Variants in RGS20 observed in about 807,000 individuals in gnomAD.
The protein encoded by RGS20 is gz-selective GTPase-activating protein.
Under a neutral mutation model 33.6 loss-of-function variants are expected in RGS20, and 30 were observed. That is an observed-to-expected ratio of 0.89 (90% CI 0.67 to 1.21). RGS20 has a LOEUF of 1.21. Among genes scored for constraint, RGS20 ranks in the 50% most tolerant of loss-of-function variants. RGS20 has a pLI of 0.00. For synonymous variants in RGS20, 208 were observed against 197.9 expected (o/e 1.05, Z -0.43); for missense variants, 472 against 502.4 (o/e 0.94, Z 0.58).
intron 4 of RGS20, among the ~76,000 whole-genome samples, chr8:53,947,364 T>C (rs1814529531): frequency 7.5e-6 from 1 of 133,104 alleles, no homozygotes; most frequent in Non-Finnish European, 1.6e-5. Context: ...ATATATGCTA[T>C]ATATAAGATA....
rs118000112 is a variant in RGS20, at chr8:53,957,498, C to T, written c.979-772C>T. On this transcript the variant is annotated intron_variant, in intron 5 of 5. Transcript: ENST00000297313. ...CACTTCACCCCTGTGCCCAACCCTC[C>T]GGGCAGGCCAGCACTCATCCCCAGA... is the stretch of plus-strand genomic sequence containing the variant. Among the ~76,000 whole-genome samples the T allele has an allele frequency of 7.5e-3, 1,147 of 152,340 alleles. 5 individuals are homozygous for T. The highest frequency in any genetic ancestry group is 0.013 in the Non-Finnish European group (891 of 68,026).
rs1017672388 is a variant in RGS20, at chr8:53,880,918, C to T, written c.510+1316C>T. On this transcript the variant is annotated intron_variant, in intron 2 of 5. Coordinates refer to ENST00000297313, the MANE Select transcript of RGS20 (RefSeq NM_170587.4). ...CGGGAGAAGAGGGCTAGAGCAAAGA[C>T]CGAGAGCCGGAGAAAGGCGAAAGGC... 2.6e-6 allele frequency: 4 copies of T among 1,542,328 alleles called. No homozygotes were observed. The African/African-American group carries it at 5.5e-5, about 21-fold the overall frequency.
intron 2 of RGS20, among the ~76,000 whole-genome samples, chr8:53,917,174 T>A (rs1813512875): frequency 6.6e-6 from 1 of 152,132 alleles, no homozygotes; most frequent in Non-Finnish European, 1.5e-5. Flanking sequence ...TGAGATGGAA[T>A]TTCACTCTTG....
chr8:53,954,872 G>C (rs911779363), intron 5 of RGS20, among the ~76,000 whole-genome samples: 1 of 150,852 alleles, frequency 6.6e-6, no homozygotes, highest in African/African-American at 2.4e-5. Flanking sequence ...ATTTTTAGTA[G>C]AGACAGGGTT....
Position 53,947,823 on chromosome 8 carries a change from C to T in RGS20, c.743+1075C>T, listed in dbSNP as rs188152380. 9.9e-3 allele frequency among the ~76,000 whole-genome samples: 1,326 copies of T among 133,874 alleles called. 35 individuals are homozygous for T. Among genetic ancestry groups the T allele is most frequent in the African/African-American group, 0.035 (1,261 of 36,476 alleles). 87.8% of individuals were successfully genotyped at this position (133,874 alleles called of 152,430 possible). On this transcript the variant is annotated intron_variant, in intron 4 of 5. Coordinates refer to ENST00000297313, the MANE Select transcript of RGS20 (RefSeq NM_170587.4). ...TGCTATATATAGGATATAGTATATA[C>T]ATTTATATATGCTATATATAGGATA...
intron 2 of RGS20, among the ~76,000 whole-genome samples, chr8:53,896,958 A>C (rs923104198): frequency 6.6e-6 from 1 of 152,254 alleles, no homozygotes; most frequent in Non-Finnish European, 1.5e-5. Context: ...AGGATAAAAA[A>C]TTCTAATAAT....
chr8:53,873,807 A>G (rs1486785056), intron 1 of RGS20, among the ~76,000 whole-genome samples: 1 of 152,244 alleles, frequency 6.6e-6, no homozygotes, highest in African/African-American at 2.4e-5. Context: ...CTGTAGAGGA[A>G]GAAGAGATCT....
intron 2 of RGS20, among the ~76,000 whole-genome samples, chr8:53,896,408 G>C (rs911624317): frequency 4.6e-5 from 7 of 152,218 alleles, no homozygotes; most frequent in African/African-American, 1.7e-4. Flanking sequence ...TTGTGATATA[G>C]AGGCAGAATT....
At chr8:53,892,684 T>C (rs1428830105) in intron 2 of RGS20, among the ~76,000 whole-genome samples, 2 of 152,226 alleles carry the variant, frequency 1.3e-5, no homozygotes, top group Non-Finnish European at 2.9e-5. Flanking sequence ...GTAATACATG[T>C]ACAGCAGAGG....
At chr8:53,926,289 G>A (rs1813792988) in intron 2 of RGS20, among the ~76,000 whole-genome samples, 1 of 152,128 alleles carries the variant, frequency 6.6e-6, no homozygotes, top group Admixed American at 6.5e-5. Flanking sequence ...TTATATTATT[G>A]TCTAACTCTT....
At chr8:53,949,901 G>A (rs528450486) in intron 4 of RGS20, among the ~76,000 whole-genome samples, 1 of 148,982 alleles carries the variant, frequency 6.7e-6, no homozygotes, top group African/African-American at 2.5e-5. Context: ...GTACAGTGGT[G>A]CAATCTTGAC....
At chr8:53,909,420 G>T (rs1333633922) in intron 2 of RGS20, among the ~76,000 whole-genome samples, 1 of 150,404 alleles carries the variant, frequency 6.6e-6, no homozygotes, top group African/African-American at 2.4e-5. Context: ...TGGCTAATTT[G>T]TTGTTGTTGT....
intron 2 of RGS20, among the ~76,000 whole-genome samples, chr8:53,923,398 C>T (rs961465231): frequency 2.0e-5 from 3 of 152,058 alleles, no homozygotes; most frequent in African/African-American, 7.2e-5. Context: ...AGTTTGAGAC[C>T]AGCCTGGGCA....
intron 3 of RGS20, among the ~76,000 whole-genome samples, chr8:53,943,032 A>T (rs1333429780): frequency 2.0e-5 from 3 of 152,136 alleles, no homozygotes; most frequent in Non-Finnish European, 2.9e-5. Context: ...GGGAAAAAAA[A>T]TTATAAAGCA....
chr8:53,906,947 G>A (rs1340320253), intron 2 of RGS20, among the ~76,000 whole-genome samples: 2 of 152,180 alleles, frequency 1.3e-5, no homozygotes, highest in Non-Finnish European at 2.9e-5. Context: ...GTGTCCATCT[G>A]CTATAGTTGG....
intron 2 of RGS20, among the ~76,000 whole-genome samples, chr8:53,915,815 T>C (rs1252027196): frequency 6.6e-6 from 1 of 152,150 alleles, no homozygotes; most frequent in African/African-American, 2.4e-5. Flanking sequence ...TCGAGGCTGG[T>C]CTTGAACTCC....
chr8:53,952,813 G>A (rs1479725299), intron 4 of RGS20, among the ~76,000 whole-genome samples: 1 of 152,176 alleles, frequency 6.6e-6, no homozygotes, highest in Non-Finnish European at 1.5e-5. Context: ...CAAGATAAAA[G>A]AGATATTAAG....
chr8:53,953,520 C>A (rs1185049580), intron 4 of RGS20, among the ~76,000 whole-genome samples: 27 of 148,144 alleles, frequency 1.8e-4, no homozygotes, highest in African/African-American at 2.2e-4. Flanking sequence ...GACTCTGTCT[C>A]AAAAAAAAAA....
chr8:53,889,404 C>G (rs1812639255), intron 2 of RGS20, among the ~76,000 whole-genome samples: 1 of 94,492 alleles, frequency 1.1e-5, no homozygotes, highest in Non-Finnish European at 2.0e-5. Flanking sequence ...TTCTTTCTCT[C>G]TCTCTCTCTT....
Sources: gnomAD v4.1 joint callset for allele counts (sites outside exome capture counted in the v4.1 genomes callset) on GRCh38, gnomAD v4.1.1 for gene constraint, MANE v1.5 for transcripts, NCBI Gene and HGNC (gene_info 2026-07-23, HGNC 2026-07-21) for gene names.